Variants in HACL2 observed in about 807,000 individuals in gnomAD.
The protein encoded by HACL2 is 2-hydroxyacyl-CoA lyase 2.
At chr19:15,117,807 C>T in the HACL2 span, 205 of 1,579,340 alleles carry the variant, frequency 1.3e-4, no homozygotes, top group Middle Eastern at 3.4e-4. Context: ...CAGGCTCAAG[C>T]CAGCTGCAGC....
the HACL2 span, chr19:15,119,996 C>G: frequency 1.9e-6 from 3 of 1,549,622 alleles, no homozygotes. Context: ...TGCGGGGAAG[C>G]CTGGGGGATG....
the HACL2 span, chr19:15,120,200 GGT>G: frequency 8.3e-5 from 52 of 623,268 alleles, no homozygotes; most frequent in African/African-American, 8.4e-4. Context: ...ATGGGGACAG[GGT>G]GGATGAGTGA....
At chr19:15,125,114 C>T in the HACL2 span, 3 of 1,473,774 alleles carry the variant, frequency 2.0e-6, no homozygotes, top group Non-Finnish European at 2.7e-6. Context: ...CGACAGGGAA[C>T]CTCTCCGGAA....
the HACL2 span, chr19:15,123,520 G>A: frequency 1.9e-4 from 304 of 1,614,010 alleles, 1 homozygote; most frequent in Middle Eastern, 8.2e-4. This position sits in a 1 kb window ranked among gnomAD's most constrained non-coding sequence, Gnocchi z 5.1. Context: ...GCACACCATG[G>A]GCCCTCAGCA....
the HACL2 span, chr19:15,123,080 C>G: frequency 4.3e-6 from 7 of 1,611,526 alleles, no homozygotes; most frequent in Non-Finnish European, 5.9e-6. The surrounding 1 kb of genome is among the most constrained non-coding windows in gnomAD (Gnocchi z 5.1). Flanking sequence ...CCTTCAAGCC[C>G]CCCTAGGCCC....
chr19:15,120,129 A>C, the HACL2 span: 1 of 1,212,172 alleles, frequency 8.2e-7, no homozygotes, highest in Non-Finnish European at 1.2e-6. Flanking sequence ...TTAACTAACT[A>C]CAAGGATTCC....
chr19:15,116,433 C>T, the HACL2 span: 88 of 1,613,844 alleles, frequency 5.5e-5, no homozygotes, highest in East Asian at 1.4e-3. Flanking sequence ...TTCTGCCGGT[C>T]GGCTTCCCGC....
At chr19:15,117,981 A>G in the HACL2 span, 2 of 1,614,194 alleles carry the variant, frequency 1.2e-6, no homozygotes, top group Non-Finnish European at 1.7e-6. Flanking sequence ...GGCTGAGGAC[A>G]CGGCCATAGG....
At chr19:15,115,961 G>C in the HACL2 span, 1 of 1,614,010 alleles carries the variant, frequency 6.2e-7, no homozygotes, top group Non-Finnish European at 8.5e-7. Flanking sequence ...GGTGGATCAG[G>C]ACCTAGAGAG....
the HACL2 span, among the ~76,000 whole-genome samples, chr19:15,120,350 G>C: frequency 2.7e-4 from 41 of 152,214 alleles, no homozygotes; most frequent in African/African-American, 9.4e-4. Flanking sequence ...GATTAAGCCT[G>C]TGGGTCCAAC....
the HACL2 span, among the ~76,000 whole-genome samples, chr19:15,118,645 T>C: frequency 1.5e-3 from 228 of 152,224 alleles, 1 homozygote; most frequent in Middle Eastern, 3.4e-3. Flanking sequence ...ACTCACTCTC[T>C]TGAATAACCG....
At chr19:15,124,440 C>CT in the HACL2 span, 1 of 156,812 alleles carries the variant, frequency 6.4e-6, no homozygotes, top group Non-Finnish European at 1.4e-5. Flanking sequence ...CACAATCTCT[C>CT]TGAGCCTCAG....
the HACL2 span, chr19:15,124,892 C>T: frequency 3.2e-4 from 504 of 1,578,290 alleles, 6 homozygotes; most frequent in South Asian, 5.5e-3. Flanking sequence ...TCTTTGACTG[C>T]CCCCAGCCCA....
chr19:15,115,196 C>T, the HACL2 span: 1 of 1,604,248 alleles, frequency 6.2e-7, no homozygotes, highest in Non-Finnish European at 8.5e-7. Flanking sequence ...GACTCCAAAC[C>T]AGCTGGACAC....
At chr19:15,122,584 G>T in the HACL2 span, 1 of 893,518 alleles carries the variant, frequency 1.1e-6, no homozygotes, top group Non-Finnish European at 1.8e-6. The surrounding 1 kb of genome is among the most constrained non-coding windows in gnomAD (Gnocchi z 4.0). Flanking sequence ...TCTCCCCCCA[G>T]CTGTCTCCTC....
chr19:15,120,122 A>G, the HACL2 span: 3 of 1,274,522 alleles, frequency 2.4e-6, no homozygotes, highest in Non-Finnish European at 3.3e-6. Context: ...GCCAGAATTA[A>G]CTAACTACAA....
chr19:15,115,464 G>A, the HACL2 span: 1 of 1,608,822 alleles, frequency 6.2e-7, no homozygotes. Flanking sequence ...TAGTGGCAAG[G>A]ACTCAGCCCA....
chr19:15,116,250 A>G, the HACL2 span: 1 of 1,613,990 alleles, frequency 6.2e-7, no homozygotes, highest in Non-Finnish European at 8.5e-7. Context: ...GTTGTCAGGT[A>G]GCGTTTCCTC....
the HACL2 span, chr19:15,117,937 C>T: frequency 2.0e-5 from 33 of 1,614,052 alleles, no homozygotes; most frequent in South Asian, 3.3e-5. Context: ...CATCTCTTCC[C>T]GATTACGATT....
Sources: gnomAD v4.1 joint callset for allele counts (sites outside exome capture counted in the v4.1 genomes callset) on GRCh38, gnomAD v4.1.1 for gene constraint, Gnocchi (gnomAD v3.1) non-coding constraint, MANE v1.5 for transcripts, NCBI Gene and HGNC (gene_info 2026-07-23, HGNC 2026-07-21) for gene names.